Variants in CC2D2A observed in about 807,000 individuals in gnomAD.
The protein encoded by CC2D2A is coiled-coil and C2 domain containing 2A, also known as coiled-coil and C2 domain-containing protein 2A.
A neutral mutation model predicts 212.9 loss-of-function variants in CC2D2A; 155 were observed. The observed-to-expected ratio is 0.73, with a 90% CI of 0.64 to 0.83. CC2D2A has a LOEUF of 0.83. CC2D2A is among the 40% of genes least tolerant of loss of function. The pLI is 0.00. For synonymous variants in CC2D2A, 667 were observed against 686.5 expected, an observed-to-expected ratio of 0.97 and a Z score of 0.44; for missense variants, 1,856 against 1,956.2, an observed-to-expected ratio of 0.95 and a Z score of 0.97.
intron 6 of CC2D2A, among the ~76,000 whole-genome samples, chr4:15,508,419 A>G (rs1359206664): frequency 2.0e-5 from 3 of 152,216 alleles, no homozygotes; most frequent in Non-Finnish European, 2.9e-5. Context: ...AATACAAACT[A>G]TAGACCAAAA....
At chr4:15,546,779 G>C (rs1418325869) in intron 17 of CC2D2A, among the ~76,000 whole-genome samples, 2 of 152,202 alleles carry the variant, frequency 1.3e-5, no homozygotes, top group African/African-American at 4.8e-5. Context: ...GTGGTTGAGG[G>C]CTGGTAGGAA....
chr4:15,519,020 G>C (rs764353348), intron 11 of CC2D2A, among the ~76,000 whole-genome samples: 1 of 152,126 alleles, frequency 6.6e-6, no homozygotes, highest in Non-Finnish European at 1.5e-5. Flanking sequence ...TTCTACAGCC[G>C]GTTTGAATTT....
intron 11 of CC2D2A, among the ~76,000 whole-genome samples, chr4:15,525,174 T>C (rs1430048073): frequency 6.6e-6 from 1 of 152,166 alleles, no homozygotes; most frequent in Admixed American, 6.5e-5. Flanking sequence ...AAAGTACAGG[T>C]GACCTAAGTT....
chr4:15,583,483 G>A (rs1720735629), intron 30 of CC2D2A, among the ~76,000 whole-genome samples: 1 of 152,192 alleles, frequency 6.6e-6, no homozygotes, highest in African/African-American at 2.4e-5. Context: ...AATAAGTTTA[G>A]TAAAGTTGCA....
chr4:15,598,255 A>G (rs1466928351), intron 35 of CC2D2A, among the ~76,000 whole-genome samples: 1 of 152,218 alleles, frequency 6.6e-6, no homozygotes, highest in Non-Finnish European at 1.5e-5. Context: ...TGCGCAGACC[A>G]TCTTGAAATC....
chr4:15,595,047 T>C (rs1409897466), intron 33 of CC2D2A, among the ~76,000 whole-genome samples: 2 of 152,150 alleles, frequency 1.3e-5, no homozygotes, highest in African/African-American at 4.8e-5. Flanking sequence ...ACCCCTGGCC[T>C]CAAGTGATCC....
At chr4:15,541,306 G>A (rs1302694447) in intron 17 of CC2D2A, among the ~76,000 whole-genome samples, 1 of 151,892 alleles carries the variant, frequency 6.6e-6, no homozygotes, top group South Asian at 2.1e-4. Context: ...GCGACAGAGT[G>A]TGACTCTGTC....
intron 5 of CC2D2A, 67 bp from the exon 6 acceptor site, chr4:15,502,755 T>A: frequency 7.3e-7 from 1 of 1,372,734 alleles, no homozygotes; most frequent in South Asian, 1.3e-5. Context: ...ATAGCATGTA[T>A]TTTTTACTGA....
intron 4 of CC2D2A, among the ~76,000 whole-genome samples, chr4:15,500,101 G>GTATATATATATATATATATATA (rs1222191394): frequency 1.4e-5 from 1 of 71,126 alleles, no homozygotes; most frequent in South Asian, 5.2e-4. Flanking sequence ...GTGTGTGTGT[G>GTATATATATATATATATATATA]TGTGTGTATA....
At chr4:15,566,330 G>A (rs557016143) in intron 24 of CC2D2A, among the ~76,000 whole-genome samples, 6 of 152,174 alleles carry the variant, frequency 3.9e-5, no homozygotes, top group East Asian at 3.9e-4. Context: ...TGGGGTTATT[G>A]GAGAGTGCAG....
At chr4:15,573,779 A>G (rs1720274536) in intron 28 of CC2D2A, among the ~76,000 whole-genome samples, 1 of 152,190 alleles carries the variant, frequency 6.6e-6, no homozygotes, top group Non-Finnish European at 1.5e-5. Flanking sequence ...TTTTATATCT[A>G]TTCATTCACT....
chr4:15,513,660 C>T (rs551559858), intron 8 of CC2D2A, among the ~76,000 whole-genome samples: 4 of 152,318 alleles, frequency 2.6e-5, no homozygotes, highest in South Asian at 2.1e-4. Flanking sequence ...TAGCCCCTTT[C>T]GCTAGCTCCC....
At chr4:15,502,954 A>C (rs1716045350) in intron 6 of CC2D2A, 31 bp downstream of exon 6, 1 of 1,521,592 alleles carries the variant, frequency 6.6e-7, no homozygotes, top group African/African-American at 1.4e-5. Context: ...TTTGTGATCA[A>C]AACCAGTAAA....
At chr4:15,475,592 G>T (rs1482873188) in intron 1 of CC2D2A, among the ~76,000 whole-genome samples, 1 of 152,162 alleles carries the variant, frequency 6.6e-6, no homozygotes, top group African/African-American at 2.4e-5. Flanking sequence ...AAGGGCCAAG[G>T]TCAAGGGCAG....
Position 15,600,312 on chromosome 4 carries a change from G to A in CC2D2A, c.4674+606G>A, listed in dbSNP as rs549829212. On this transcript the variant is annotated intron_variant, in intron 36 of 36. Coordinates refer to ENST00000424120, the MANE Select transcript of CC2D2A (RefSeq NM_001378615.1). ...AGTGTCAGAAAACTCAAAAAGGCTT[G>A]AGCAATAGAGAATCTACTGGCTTAA... 2.6e-5 allele frequency among the ~76,000 whole-genome samples: 4 copies of A among 152,242 alleles called. No homozygotes were observed. The East Asian group carries it at 7.7e-4, about 29-fold the overall frequency.
At chr4:15,506,586 T>C (rs533346368) in intron 6 of CC2D2A, among the ~76,000 whole-genome samples, 1 of 152,282 alleles carries the variant, frequency 6.6e-6, no homozygotes, top group South Asian at 2.1e-4. Context: ...ACTTCTCGGT[T>C]TGTTTTGTGT....
chr4:15,577,143 C>T (rs1720450979), intron 29 of CC2D2A, among the ~76,000 whole-genome samples: 1 of 152,214 alleles, frequency 6.6e-6, no homozygotes, highest in South Asian at 2.1e-4. Flanking sequence ...CAGGCATGTG[C>T]CACTAGGCAC....
At chr4:15,470,711 A>ACCC (rs1713746778) in intron 1 of CC2D2A, among the ~76,000 whole-genome samples, 1 of 89,988 alleles carries the variant, frequency 1.1e-5, no homozygotes, top group East Asian at 3.3e-4. Flanking sequence ...ATATATATAT[A>ACCC]TATATATATA....
chr4:15,540,825 C>A lies in CC2D2A; in HGVS notation c.2004-12C>A, dbSNP rs141372003. 33 of 1,590,214 alleles carry A rather than the reference C, an allele frequency of 2.1e-5. No homozygotes were observed. In the East Asian group the frequency reaches 7.1e-4, roughly 34 times the overall value. The stretch of plus-strand genomic sequence containing the variant: ...ATTACTAACTCCACCTGTGAATGGT[C>A]TCCTTTTGCAGAGCGGAGGTCTCGA... On this transcript the variant is annotated splice_polypyrimidine_tract_variant and intron_variant, in intron 16 of 36. Coordinates refer to ENST00000424120, the MANE Select transcript of CC2D2A (RefSeq NM_001378615.1).
Sources: allele counts gnomAD v4.1 joint callset (sites outside exome capture counted in the v4.1 genomes callset), GRCh38; gene constraint gnomAD v4.1.1; transcripts MANE v1.5; gene names NCBI Gene and HGNC (gene_info 2026-07-23, HGNC 2026-07-21).